AFF1: variants seen among roughly 807,000 people sequenced by gnomAD.
AFF1 encodes the protein AF4/FMR2 family member 1.
In AFF1, 48 loss-of-function variants were observed where a neutral mutation model predicts 121.7. The observed-to-expected ratio is 0.39, with a 90% CI of 0.31 to 0.50. The LOEUF (loss-of-function observed/expected upper bound fraction) is 0.50. Among genes scored for constraint, AFF1 ranks in the 20% least tolerant of loss-of-function variants. The probability of loss-of-function intolerance (pLI) is 0.76; values close to 1 mark genes in which losing one functional copy is unlikely to be tolerated. For synonymous variants in AFF1, 613 were observed against 563.0 expected, an observed-to-expected ratio of 1.09 and a Z score of -1.26; for missense variants, 1,523 against 1,511.7, an observed-to-expected ratio of 1.01 and a Z score of -0.12.
intron 11 of AFF1, among the ~76,000 whole-genome samples, chr4:87,111,012 A>ATTTTTTTTTTTTTTTTTTTT (rs1281817683): frequency 6.8e-5 from 2 of 29,278 alleles, no homozygotes; most frequent in African/African-American, 1.8e-4. Context: ...TTTTTTTTTT[A>ATTTTTTTTTTTTTTTTTTTT]TTTTTTTTTT....
chr4:87,111,497 G>A (rs995292044), intron 11 of AFF1, among the ~76,000 whole-genome samples: 13 of 151,866 alleles, frequency 8.6e-5, no homozygotes, highest in Non-Finnish European at 1.6e-4. Flanking sequence ...GGGACTACAG[G>A]TACGTGCCAC....
chr4:87,064,872 T>C (rs1404370806), intron 4 of AFF1, among the ~76,000 whole-genome samples: 3 of 59,578 alleles, frequency 5.0e-5, no homozygotes, highest in Admixed American at 4.8e-4. Context: ...AAATTCCGTC[T>C]CAAAAGAAAA....
chr4:87,089,972 A>T lies in AFF1; in HGVS notation c.1105-12A>T. On this transcript the variant is annotated splice_polypyrimidine_tract_variant and intron_variant, in intron 5 of 20. Transcript: ENST00000395146. ...AATTTACTTTTTCTTCCCTTTCCAA[A>T]TATCTTTCCAGGAAATGACCCATTC... is the stretch of plus-strand genomic sequence containing the variant. 1 of 1,608,306 alleles carries T rather than the reference A, an allele frequency of 6.2e-7. No individual in the cohort carries two copies. Among genetic ancestry groups the T allele is most frequent in the Non-Finnish European group, 8.5e-7 (1 of 1,175,352 alleles).
intron 4 of AFF1, among the ~76,000 whole-genome samples, chr4:87,072,190 CG>C (rs1560597968): frequency 6.6e-6 from 1 of 151,940 alleles, no homozygotes; most frequent in African/African-American, 2.4e-5. Context: ...GGTGAAGACC[CG>C]TCTCTACTAA....
At chr4:87,114,331 G>T (rs775971209) in intron 11 of AFF1, 36 bp from the exon 12 acceptor site, 1 of 1,529,950 alleles carries the variant, frequency 6.5e-7, no homozygotes, top group East Asian at 2.3e-5. Context: ...GTCATCAATG[G>T]TCAGTTAACA....
At chr4:86,993,784 GA>G (rs1022256870) in intron 2 of AFF1, among the ~76,000 whole-genome samples, 8 of 152,086 alleles carry the variant, frequency 5.3e-5, no homozygotes, top group African/African-American at 1.9e-4. Flanking sequence ...CCAACATAGT[GA>G]AACCCCATCT....
chr4:87,108,320 C>A lies in AFF1; in HGVS notation c.1533+5C>A. The A allele has an allele frequency of 1.2e-6, 2 of 1,611,820 alleles. No homozygotes were observed. Among genetic ancestry groups the A allele is most frequent in the South Asian group, 2.2e-5 (2 of 90,970 alleles). ...CTAGAAACCCCAGCTCCGGAGGTAC[C>A]GTGTTCCCCCTCGAGATGGCCACCT... On this transcript the variant is annotated splice_donor_5th_base_variant and intron_variant, in intron 11 of 20. Transcript: ENST00000395146.
intron 2 of AFF1, among the ~76,000 whole-genome samples, chr4:87,013,145 G>A (rs1726970177): frequency 6.8e-6 from 1 of 147,104 alleles, no homozygotes; most frequent in South Asian, 2.2e-4. Flanking sequence ...CTGGGTTCAA[G>A]CCATTCTGCC....
chr4:87,088,340 G>A (rs1301055749), intron 5 of AFF1, among the ~76,000 whole-genome samples: 2 of 152,176 alleles, frequency 1.3e-5, no homozygotes, highest in Non-Finnish European at 2.9e-5. Flanking sequence ...GTCACTGTGC[G>A]AGGTCGCTGC....
chr4:86,987,635 T>C (rs1055189778), intron 2 of AFF1, among the ~76,000 whole-genome samples: 4 of 152,146 alleles, frequency 2.6e-5, no homozygotes, highest in African/African-American at 9.7e-5. Context: ...ACCCCCTTTT[T>C]GCAAGTTATT....
chr4:87,037,562 C>T (rs1729693146), intron 2 of AFF1, among the ~76,000 whole-genome samples: 1 of 152,168 alleles, frequency 6.6e-6, no homozygotes. Context: ...ATCTGCCCGC[C>T]TCGGCCTCCC....
At chr4:87,014,697 G>A (rs1345848286) in intron 2 of AFF1, among the ~76,000 whole-genome samples, 1 of 152,162 alleles carries the variant, frequency 6.6e-6, no homozygotes, top group Non-Finnish European at 1.5e-5. Flanking sequence ...ATATGTTTTT[G>A]TGGTCAAGAC....
Position 87,126,278 on chromosome 4 carries a change from C to T in AFF1, c.2753C>T (p.Ser918Phe). The change falls in exon 14 of 21, where the codon TCC becomes TTC. Residue 918 changes from serine to phenylalanine, a missense_variant. Physicochemically the swap from Ser to Phe is radical, Grantham distance 155. This residue lies in a region of AFF1 where 905 missense variants were observed against 842.5 expected (regional missense o/e 1.07). Coordinates refer to ENST00000395146, the MANE Select transcript of AFF1 (RefSeq NM_001166693.3). Reference protein sequence around the residue: ...SSTKSNHKDSSIPKQRRVEGK... With the variant: ...SSTKSNHKDSFIPKQRRVEGK... Reference sequence around the variant, plus strand: ...ACCAAGAGCAACCACAAAGACTCTTCCATTCCCAAGCAGAGAAGAGTAGAG... The same window carrying T: ...ACCAAGAGCAACCACAAAGACTCTTTCATTCCCAAGCAGAGAAGAGTAGAG... The T allele has an allele frequency of 6.2e-7, 1 of 1,614,098 alleles. No homozygotes were observed. Among genetic ancestry groups the T allele is most frequent in the East Asian group, 2.2e-5 (1 of 44,862 alleles).
chr4:87,030,745 A>T (rs1728993282), intron 2 of AFF1, among the ~76,000 whole-genome samples: 1 of 151,708 alleles, frequency 6.6e-6, no homozygotes, highest in Non-Finnish European at 1.5e-5. Context: ...GTGTAAAATC[A>T]TTTGAATTAG....
chr4:87,104,019 T>C (rs1202703064), intron 8 of AFF1, among the ~76,000 whole-genome samples: 1 of 152,238 alleles, frequency 6.6e-6, no homozygotes, highest in Non-Finnish European at 1.5e-5. Flanking sequence ...AGCCACCATT[T>C]AGCAATAAAC....
At chr4:86,973,320 G>C (rs552748433) in intron 2 of AFF1, among the ~76,000 whole-genome samples, 1 of 152,166 alleles carries the variant, frequency 6.6e-6, no homozygotes, top group Non-Finnish European at 1.5e-5. Context: ...GGGTGCTGCA[G>C]CCTTTTGTAT....
At chr4:87,125,245 A>G in intron 13 of AFF1, 102 bp downstream of exon 13, 1 of 744,908 alleles carries the variant, frequency 1.3e-6, no homozygotes, top group Non-Finnish European at 2.1e-6. Flanking sequence ...TCAGTGGATT[A>G]ATAAACTCAA....
At chr4:87,022,578 ATATATCTATCTATATC>A (rs1287487120) in intron 2 of AFF1, among the ~76,000 whole-genome samples, 1,072 of 86,604 alleles carry the variant, frequency 0.012, 17 homozygotes, top group South Asian at 0.031. Context: ...ATATATATAT[ATATATCTATCTATATC>A]TATCTGTGTG....
At chr4:87,040,194 CCA>C (rs1424818443) in intron 2 of AFF1, among the ~76,000 whole-genome samples, 1 of 152,082 alleles carries the variant, frequency 6.6e-6, no homozygotes. Context: ...TGTGACCGGC[CCA>C]CAGTTTTTAT....
Sources: gnomAD v4.1 joint callset for allele counts (sites outside exome capture counted in the v4.1 genomes callset) on GRCh38, gnomAD v4.1.1 for gene constraint, gnomAD v4.1.1 regional missense constraint, MANE v1.5 for transcripts, NCBI Gene and HGNC (gene_info 2026-07-23, HGNC 2026-07-21) for gene names.